HDAC4: variants seen among roughly 807,000 people sequenced by gnomAD.
The protein encoded by HDAC4 is histone deacetylase 4, also known as histone deacetylase A.
HDAC4 carries 16 observed loss-of-function variants against 135.1 expected under a neutral mutation model. The ratio of observed to expected loss-of-function variants is 0.12; its 90% CI spans 0.08 to 0.18. The LOEUF is 0.18. HDAC4 is among the 10% of genes least tolerant of loss of function. The pLI is 1.00. For synonymous variants in HDAC4, 685 were observed against 653.4 expected, an observed-to-expected ratio of 1.05 and a Z score of -0.74; for missense variants, 1,143 against 1,511.8, an observed-to-expected ratio of 0.76 and a Z score of 4.05.
chr2:239,150,356 G>C (rs981030008), intron 7 of HDAC4, among the ~76,000 whole-genome samples: 2 of 150,970 alleles, frequency 1.3e-5, no homozygotes, highest in Admixed American at 6.6e-5. Context: ...CACAGAAACA[G>C]ACACACACAC....
chr2:239,183,199 T>C (rs901737932), intron 4 of HDAC4, among the ~76,000 whole-genome samples: 1 of 152,272 alleles, frequency 6.6e-6, no homozygotes, highest in African/African-American at 2.4e-5. Flanking sequence ...ACGTTAAGCG[T>C]ACACTGAACT....
At chr2:239,090,161 C>CG in intron 17 of HDAC4, 45 bp from the exon 18 acceptor site, 1 of 1,378,180 alleles carries the variant, frequency 7.3e-7, no homozygotes, top group African/African-American at 1.4e-5. Flanking sequence ...CCCAGGCCAC[C>CG]GTCATCACCA....
At chr2:239,100,467 A>G (rs1345519816) in intron 16 of HDAC4, among the ~76,000 whole-genome samples, 5 of 152,144 alleles carry the variant, frequency 3.3e-5, no homozygotes, top group Non-Finnish European at 5.9e-5. Context: ...TGGATGTGGC[A>G]TCCTCTCTGA....
intron 2 of HDAC4, among the ~76,000 whole-genome samples, chr2:239,319,294 C>A (rs1240821016): frequency 6.6e-6 from 1 of 152,220 alleles, no homozygotes; most frequent in Non-Finnish European, 1.5e-5. Flanking sequence ...CGCAGCCTCC[C>A]GTTAGCTGCT....
Position 239,231,791 on chromosome 2 carries a change from C to T in HDAC4, c.94+4802G>A, listed in dbSNP as rs2047581607. Among the ~76,000 whole-genome samples the T allele has an allele frequency of 5.3e-5, 2 of 37,820 alleles. 1 individual carries two copies. The highest frequency in any genetic ancestry group is 9.1e-5 in the Non-Finnish European group (2 of 21,864). The allele number at this position is 37,820 out of a possible 152,430, so 24.8% of individuals were successfully genotyped here. ...GGTAGGTGTCCTCCCCGAAGCGCCCCTGTCCTCAACCGAGGCTGCTGAGCA... is the reference window on the plus strand; with the variant it reads ...GGTAGGTGTCCTCCCCGAAGCGCCCTTGTCCTCAACCGAGGCTGCTGAGCA... On this transcript the variant is annotated intron_variant, in intron 3 of 26. Transcript: ENST00000543185.
chr2:239,401,031 C>CA (rs1429621040), upstream of HDAC4: 1 of 152,588 alleles, frequency 6.6e-6, no homozygotes, highest in Non-Finnish European at 1.5e-5. Context: ...GGCGATAGGC[C>CA]ACCCCGCACG....
intron 2 of HDAC4, among the ~76,000 whole-genome samples, chr2:239,252,187 G>A (rs2048817926): frequency 6.6e-6 from 1 of 152,166 alleles, no homozygotes; most frequent in African/African-American, 2.4e-5. Context: ...GGGAGTGTGG[G>A]AGCAGGATCG....
chr2:239,246,742 T>C (rs1418409026), intron 2 of HDAC4, among the ~76,000 whole-genome samples: 2 of 152,232 alleles, frequency 1.3e-5, no homozygotes, highest in African/African-American at 4.8e-5. Context: ...CAGCTACCCC[T>C]ACCTACCAAG....
chr2:239,080,815 C>T (rs1001287565), intron 22 of HDAC4: 2 of 518,386 alleles, frequency 3.9e-6, no homozygotes, highest in Non-Finnish European at 3.4e-6. Flanking sequence ...ACAAAAGTCC[C>T]TGCCTCTGTC....
At chr2:239,354,376 G>C (rs1693353726) in intron 1 of HDAC4, among the ~76,000 whole-genome samples, 1 of 152,010 alleles carries the variant, frequency 6.6e-6, no homozygotes, top group South Asian at 2.1e-4. Flanking sequence ...AGCTCATCAA[G>C]TTCTCTTTCC....
At chr2:239,231,997 G>T (rs536458061) in intron 3 of HDAC4, among the ~76,000 whole-genome samples, 1 of 140,468 alleles carries the variant, frequency 7.1e-6, no homozygotes, top group African/African-American at 2.6e-5. Context: ...TCCCCGAAGC[G>T]CCCCTGTCCT....
rs746819923 is a variant in HDAC4, at chr2:239,134,340, G to A, written c.1199C>T (p.Ser400Leu). ...GTHLTPYLSTSPLERDGGAAH... is the reference protein window; with the variant it reads ...GTHLTPYLSTLPLERDGGAAH... The stretch of plus-strand genomic sequence containing the variant: ...TGCCCCTCCGTCCCGCTCCAAGGGC[G>A]AGGTGCTCAGGTAGGGAGTGAGGTG... Residue 400 changes from serine (S) to leucine (L), a missense_variant, in exon 11 of 27, where the codon TCG (serine) becomes TTG (leucine). Around this residue, in one of 9 missense-constraint regions of HDAC4, gnomAD observed 272 missense variants for 309.7 expected, o/e 0.88. Transcript: ENST00000543185. 1.1e-4 allele frequency: 172 copies of A among 1,613,908 alleles called. 3 individuals are homozygous for A. Among genetic ancestry groups the A allele is most frequent in the Admixed American group, 8.2e-4 (49 of 60,008 alleles).
At chr2:239,163,374 G>A (rs1327155600) in intron 6 of HDAC4, among the ~76,000 whole-genome samples, 2 of 152,302 alleles carry the variant, frequency 1.3e-5, no homozygotes, top group Admixed American at 6.5e-5. Context: ...ACCAGCCTCC[G>A]GAGCACTGCT....
intron 6 of HDAC4, among the ~76,000 whole-genome samples, chr2:239,159,593 ACT>A (rs772168967): frequency 4.4e-4 from 65 of 147,162 alleles, no homozygotes; most frequent in Non-Finnish European, 8.0e-4. Context: ...CACACCTCAC[ACT>A]CATACCCCAC....
intron 12 of HDAC4, among the ~76,000 whole-genome samples, chr2:239,119,776 C>T (rs529695896): frequency 1.4e-4 from 22 of 152,254 alleles, no homozygotes; most frequent in African/African-American, 2.2e-4. Context: ...CGGGTCTCTC[C>T]GAGGGGTGCA....
At chr2:239,150,138 A>G (rs1485649438) in intron 7 of HDAC4, among the ~76,000 whole-genome samples, 2 of 152,234 alleles carry the variant, frequency 1.3e-5, no homozygotes, top group African/African-American at 4.8e-5. Flanking sequence ...AAATAAAGGT[A>G]GAGGAGAAAA....
At chr2:239,315,430 G>A (rs2053074860) in intron 2 of HDAC4, among the ~76,000 whole-genome samples, 1 of 152,170 alleles carries the variant, frequency 6.6e-6, no homozygotes, top group South Asian at 2.1e-4. Flanking sequence ...GAGAGATGAT[G>A]GGAGAGCAAC....
intron 24 of HDAC4, 147 bp from the exon 25 acceptor site, chr2:239,054,980 A>G (rs1025977106): frequency 1.5e-6 from 1 of 669,454 alleles, no homozygotes; most frequent in African/African-American, 1.9e-5. Context: ...TAACTTTAAA[A>G]AGCCAAATGT....
chr2:239,084,458 T>TACACAC (rs1559393815), intron 19 of HDAC4, among the ~76,000 whole-genome samples: 3 of 140,212 alleles, frequency 2.1e-5, no homozygotes, highest in African/African-American at 7.7e-5. Context: ...CTCACACGCG[T>TACACAC]GCGCGCGCAC....
Sources: allele counts gnomAD v4.1 joint callset (sites outside exome capture counted in the v4.1 genomes callset), GRCh38; gene constraint gnomAD v4.1.1; regional missense constraint gnomAD v4.1.1; transcripts MANE v1.5; gene names NCBI Gene and HGNC (gene_info 2026-07-23, HGNC 2026-07-21).